The following KATNB1 variants were observed in gnomAD, a reference collection of about 807,000 sequenced individuals.
The protein encoded by KATNB1 is katanin regulatory subunit B1.
In KATNB1, 38 loss-of-function variants were observed where a neutral mutation model predicts 82.3. The observed-to-expected ratio is 0.46, with a 90% CI of 0.36 to 0.61. The LOEUF (loss-of-function observed/expected upper bound fraction) is 0.61, where lower values mean the gene tolerates loss of function less well. Ranked by LOEUF, KATNB1 falls within the 20% of genes least tolerant of loss-of-function variation. KATNB1 has a pLI of 0.00. For synonymous variants in KATNB1, 361 were observed against 368.7 expected (o/e 0.98, Z 0.24); for missense variants, 749 against 915.7 (o/e 0.82, Z 2.35).
chr16:57,755,816 C>T (rs1277259857), intron 16 of KATNB1, 25 bp from the exon 17 acceptor site: 2 of 1,566,348 alleles, frequency 1.3e-6, no homozygotes, highest in Non-Finnish European at 1.7e-6. Flanking sequence ...ACTGCCCCAC[C>T]CCTGACGGTG....
At position 57,755,142 on chromosome 16, in the gene KATNB1, A is replaced by G. The variant is rs2049265253; in HGVS notation, c.1320A>G (p.Pro440=). 3 of 1,612,712 alleles carry G rather than the reference A, an allele frequency of 1.9e-6. No homozygotes were observed. The highest frequency in any genetic ancestry group is 1.7e-6 in the Non-Finnish European group (2 of 1,179,856). Residue 440 remains proline (P), a synonymous_variant, in exon 15 of 20, where the codon CCA becomes CCG. Transcript: ENST00000379661. ...VPNLEVLPRP[P]VVASTPAPKA... Reference sequence around the variant, plus strand: ...AGCTGGAGGTCCTGCCCCGGCCCCCAGTGGTTGCTTCCACACCTGCACCCA... The same window carrying G: ...AGCTGGAGGTCCTGCCCCGGCCCCCGGTGGTTGCTTCCACACCTGCACCCA...
intron 2 of KATNB1, among the ~76,000 whole-genome samples, chr16:57,740,360 C>T (rs2049132955): frequency 6.6e-6 from 1 of 152,214 alleles, no homozygotes; most frequent in African/African-American, 2.4e-5. Context: ...CTGGTGGCCC[C>T]TTGGAGCCCA....
intron 3 of KATNB1, among the ~76,000 whole-genome samples, chr16:57,743,969 G>C (rs2049162978): frequency 6.6e-6 from 1 of 152,254 alleles, no homozygotes; most frequent in Admixed American, 6.5e-5. Flanking sequence ...GGCAGGCCTT[G>C]GTTCCGCTGT....
intron 12 of KATNB1, 49 bp from the exon 13 acceptor site, chr16:57,753,896 G>A (rs782095316): frequency 6.3e-7 from 1 of 1,596,294 alleles, no homozygotes; most frequent in Admixed American, 1.7e-5. Context: ...CTGGGTCCCA[G>A]GTGGCCTGGC....
At chr16:57,741,915 C>A (rs1555579776) in intron 3 of KATNB1, 98 bp downstream of exon 3, 24 of 1,414,436 alleles carry the variant, frequency 1.7e-5, no homozygotes, top group Non-Finnish European at 1.3e-5. Flanking sequence ...CTCAGACTCT[C>A]TTGAGCCCAG....
At chr16:57,742,615 G>T (rs1236662314) in intron 3 of KATNB1, among the ~76,000 whole-genome samples, 1 of 152,232 alleles carries the variant, frequency 6.6e-6, no homozygotes, top group African/African-American at 2.4e-5. Context: ...ATGTTGTAAG[G>T]ATTTGCCTGT....
rs556921940 is a variant in KATNB1, at chr16:57,752,325, C to T, written c.633-205C>T. ...AGTGGGACCCCATAGGGCAGGGAGG[C>T]TCGTGGCTGTTGGGGCCAACCCTGG... On this transcript the variant is annotated intron_variant, in intron 8 of 19. Transcript: ENST00000379661. 8.1e-5 allele frequency: 51 copies of T among 630,902 alleles called. 1 individual carries two copies. The highest frequency in any genetic ancestry group is 7.7e-4 in the Middle Eastern group (2 of 2,614). 39.1% of individuals were successfully genotyped at this position (630,902 alleles called of 1,614,324 possible).
chr16:57,748,745 G>T (rs1378771954), intron 4 of KATNB1, among the ~76,000 whole-genome samples: 5 of 152,250 alleles, frequency 3.3e-5, no homozygotes, highest in Admixed American at 3.3e-4. Flanking sequence ...CCACAGCGCA[G>T]CCAGAGGGCA....
intron 18 of KATNB1, 40 bp from the exon 19 acceptor site, chr16:57,756,316 C>A: frequency 6.5e-7 from 1 of 1,544,458 alleles, no homozygotes; most frequent in Admixed American, 1.7e-5. Context: ...CTGTCTGTGG[C>A]CCTTGGTCCA....
intron 1 of KATNB1, among the ~76,000 whole-genome samples, chr16:57,736,607 G>A (rs1301145998): frequency 6.6e-6 from 1 of 152,108 alleles, no homozygotes; most frequent in Non-Finnish European, 1.5e-5. Context: ...CCTAAGCTTA[G>A]CTTCTGACTC....
Position 57,752,875 on chromosome 16 carries a change from G to A in KATNB1, c.802G>A (p.Val268Ile). The change falls in exon 10 of 20, where the codon GTC becomes ATC. Residue 268 changes from valine to isoleucine, a missense_variant. Transcript: ENST00000379661. ...GGAACCTGAGCGGTGCTTTGATGTG[G>A]TCCTCGTCAACTGGGGCAAGGTGGC... ...GWEPERCFDV[V>I]LVNWGKVADL... 2 of 1,608,286 alleles carry A rather than the reference G, an allele frequency of 1.2e-6. No homozygotes were observed. The highest frequency in any genetic ancestry group is 8.5e-7 in the Non-Finnish European group (1 of 1,179,846).
intron 2 of KATNB1, among the ~76,000 whole-genome samples, chr16:57,738,844 G>A (rs1340821733): frequency 3.3e-5 from 5 of 152,154 alleles, no homozygotes; most frequent in Admixed American, 2.0e-4. Flanking sequence ...CAAGGTCTCT[G>A]TACAGCGGGA....
chr16:57,755,170 GC>G lies in KATNB1; in HGVS notation c.1349del (p.Ala450ValfsTer16). On this transcript the variant is annotated frameshift_variant, in exon 15 of 20. Coordinates refer to ENST00000379661, the MANE Select transcript of KATNB1 (RefSeq NM_005886.3). LOFTEE classifies it high-confidence loss of function. ...PVVASTPAPK[A>X]EPAIIPATRN... ...GGTTGCTTCCACACCTGCACCCAAG[GC>G]TGAGCCTGCCATCATCCCTGCCACC... The G allele has an allele frequency of 6.2e-7, 1 of 1,612,388 alleles. No homozygotes were observed. The highest frequency in any genetic ancestry group is 8.5e-7 in the Non-Finnish European group (1 of 1,179,886).
At position 57,756,987 on chromosome 16, in the gene KATNB1, TG is replaced by T; in HGVS notation, c.*43del. 6.8e-7 allele frequency: 1 copy of T among 1,468,826 alleles called. No individual in the cohort carries two copies. The highest frequency in any genetic ancestry group is 2.6e-5 in the East Asian group (1 of 39,198). The allele number at this position is 1,468,826 out of a possible 1,614,324, so 91.0% of individuals were successfully genotyped here. ...GGGGCGCTCGGCAGCCCACAGGGCC[TG>T]GCCTCAGCCCCCACTCCTGTTCCTT... On this transcript the variant is annotated 3_prime_UTR_variant, in exon 20 of 20. Transcript: ENST00000379661.
At chr16:57,738,135 G>A (rs79700498) in intron 2 of KATNB1, among the ~76,000 whole-genome samples, 5,640 of 152,274 alleles carry the variant, frequency 0.037, 158 homozygotes, top group Non-Finnish European at 0.057. Flanking sequence ...CTACACATTG[G>A]CACCTTGGTG....
chr16:57,747,042 C>A (rs190380931), intron 4 of KATNB1, among the ~76,000 whole-genome samples: 245 of 149,968 alleles, frequency 1.6e-3, no homozygotes, highest in Admixed American at 2.7e-3. Context: ...CCACCATGTC[C>A]CGCTAATTTT....
At chr16:57,741,985 A>G (rs1567896865) in intron 3 of KATNB1, among the ~76,000 whole-genome samples, 168 bp downstream of exon 3, 4 of 152,210 alleles carry the variant, frequency 2.6e-5, no homozygotes, top group Admixed American at 1.3e-4. Context: ...GGACACCATC[A>G]GTGCTTCCCC....
rs76515107 is a variant in KATNB1 at position 57,751,405 on chromosome 16, A to G, written c.432+103A>G. ...GGGGTGGAGGGGACGGCTGTCCCAC[A>G]TGGGTGATAACATAAAACATAGACC... On this transcript the variant is annotated intron_variant, in intron 6 of 19. Coordinates refer to ENST00000379661, the MANE Select transcript of KATNB1 (RefSeq NM_005886.3). The surrounding 1 kb of genome is among the most constrained non-coding windows in gnomAD (Gnocchi z 6.3). 2.6e-4 allele frequency: 307 copies of G among 1,200,012 alleles called. 3 individuals carry two copies. In the East Asian group the frequency reaches 6.4e-3, roughly 25 times the overall value. The allele number at this position is 1,200,012 out of a possible 1,614,324, so 74.3% of individuals were successfully genotyped here. A position where few individuals can be genotyped will look rare whatever the true frequency, so the allele number is the denominator to read the frequency against.
At chr16:57,756,592 G>C in intron 19 of KATNB1, 120 bp downstream of exon 19, 1 of 1,189,396 alleles carries the variant, frequency 8.4e-7, no homozygotes, top group South Asian at 1.5e-5. Flanking sequence ...GGAGGCGTTG[G>C]TCTGGGGCCA....
Sources: gnomAD v4.1 joint callset for allele counts (sites outside exome capture counted in the v4.1 genomes callset) on GRCh38, gnomAD v4.1.1 for gene constraint, Gnocchi (gnomAD v3.1) non-coding constraint, MANE v1.5 for transcripts, NCBI Gene and HGNC (gene_info 2026-07-23, HGNC 2026-07-21) for gene names.